MNAT1: variants seen among roughly 807,000 people sequenced by gnomAD.
MNAT1 encodes the protein CDK-activating kinase assembly factor MAT1.
MNAT1 carries 43 observed loss-of-function variants against 42.0 expected under a neutral mutation model. The ratio of observed to expected loss-of-function variants is 1.02; its 90% CI spans 0.80 to 1.32. MNAT1 has a LOEUF of 1.32. Among genes scored for constraint, MNAT1 ranks in the 40% most tolerant of loss-of-function variants. MNAT1 has a pLI of 0.00. For synonymous variants in MNAT1, 118 were observed against 120.0 expected (o/e 0.98, Z 0.11); for missense variants, 306 against 350.4 (o/e 0.87, Z 1.01).
In MNAT1 at chr14:60,793,646, T is replaced by A. The variant is rs557376965; in HGVS notation, c.90-2571T>A. Among the ~76,000 whole-genome samples the A allele has an allele frequency of 2.0e-5, 3 of 152,278 alleles. No homozygotes were observed. In the East Asian group the frequency reaches 5.8e-4, roughly 29 times the overall value. On this transcript the variant is annotated intron_variant, in intron 1 of 7. Coordinates refer to ENST00000261245, the MANE Select transcript of MNAT1 (RefSeq NM_002431.4). ...CTTTGCCCTCCCAAAGCACTGGGAT[T>A]ATAGGCGTAAGCAACTAGGCCTGGC...
At chr14:60,922,899 C>T (rs990553001) in intron 7 of MNAT1, among the ~76,000 whole-genome samples, 2 of 152,136 alleles carry the variant, frequency 1.3e-5, no homozygotes, top group Non-Finnish European at 2.9e-5. Context: ...GTATACCAGA[C>T]TTGAAGGTTT....
At chr14:60,914,609 A>G (rs956441579) in intron 7 of MNAT1, among the ~76,000 whole-genome samples, 5 of 152,146 alleles carry the variant, frequency 3.3e-5, no homozygotes, top group African/African-American at 4.8e-5. Context: ...CAGCTGCCTA[A>G]TAGAGTCCAC....
chr14:60,893,113 A>G (rs1025455486), intron 7 of MNAT1, among the ~76,000 whole-genome samples: 1 of 151,984 alleles, frequency 6.6e-6, no homozygotes, highest in Non-Finnish European at 1.5e-5. Context: ...CACCTCTTGT[A>G]TGCTCTATTT....
At chr14:60,926,033 G>T (rs960267210) in intron 7 of MNAT1, among the ~76,000 whole-genome samples, 2 of 152,142 alleles carry the variant, frequency 1.3e-5, no homozygotes, top group Non-Finnish European at 2.9e-5. Context: ...AGTCATGATT[G>T]TGGACTTTCA....
intron 7 of MNAT1, among the ~76,000 whole-genome samples, chr14:60,912,424 C>G (rs2035392111): frequency 6.6e-6 from 1 of 152,164 alleles, no homozygotes; most frequent in Non-Finnish European, 1.5e-5. Flanking sequence ...CCTTGATAGT[C>G]TTTACAAATT....
At chr14:60,884,731 A>G (rs535051690) in intron 7 of MNAT1, among the ~76,000 whole-genome samples, 7 of 152,182 alleles carry the variant, frequency 4.6e-5, no homozygotes, top group Middle Eastern at 6.8e-3. Flanking sequence ...TAGTTTATCT[A>G]CCATGATTAC....
chr14:60,767,149 C>T (rs1262293147), intron 1 of MNAT1, among the ~76,000 whole-genome samples: 1 of 152,150 alleles, frequency 6.6e-6, no homozygotes, highest in Non-Finnish European at 1.5e-5. Context: ...GTTAACAATA[C>T]ACTTTTGGAT....
intron 7 of MNAT1, among the ~76,000 whole-genome samples, chr14:60,914,283 G>A (rs1180417984): frequency 4.6e-5 from 7 of 152,178 alleles, no homozygotes; most frequent in African/African-American, 7.2e-5. Context: ...CGGGTGAGGC[G>A]ATGCCTTGCC....
rs537104081 is a variant in MNAT1 at position 60,750,315 on chromosome 14, C to T, written c.89+15364C>T. Among the ~76,000 whole-genome samples, 79 of 151,874 alleles carry T rather than the reference C, an allele frequency of 5.2e-4. 1 individual carries two copies. Among genetic ancestry groups the T allele is most frequent in the Middle Eastern group, 3.4e-3 (1 of 294 alleles). On this transcript the variant is annotated intron_variant, in intron 1 of 7. Transcript: ENST00000261245. ...GATCTCGGCTCACTGCAAGCTTCGC[C>T]TCCTGGGTTCACGGCATTCTCCTGC...
In MNAT1 at chr14:60,968,803, T is replaced by A. The variant is rs2036730064; in HGVS notation, c.*454T>A. On this transcript the variant is annotated 3_prime_UTR_variant, in exon 8 of 8. Coordinates refer to ENST00000261245, the MANE Select transcript of MNAT1 (RefSeq NM_002431.4). ...TCTTCTCATAAAATGTTCCCCTTTT[T>A]CCTAATGTCTTGTTAATACTAGTCC... 7.4e-6 allele frequency: 2 copies of A among 271,322 alleles called. No homozygotes were observed. The highest frequency in any genetic ancestry group is 1.4e-5 in the Non-Finnish European group (2 of 141,280). The allele number at this position is 271,322 out of a possible 1,614,324, so 16.8% of individuals were successfully genotyped here.
intron 6 of MNAT1, among the ~76,000 whole-genome samples, chr14:60,821,395 T>C (rs2032886282): frequency 6.6e-6 from 1 of 152,220 alleles, no homozygotes; most frequent in Non-Finnish European, 1.5e-5. Flanking sequence ...GTACCTAGAA[T>C]GATGTTTGTC....
At chr14:60,965,103 C>A (rs150978448) in intron 7 of MNAT1, among the ~76,000 whole-genome samples, 1 of 152,100 alleles carries the variant, frequency 6.6e-6, no homozygotes, top group Non-Finnish European at 1.5e-5. Context: ...GGACTCTCAA[C>A]GACTCATACT....
chr14:60,924,616 C>A (rs192555933), intron 7 of MNAT1, among the ~76,000 whole-genome samples: 63 of 99,854 alleles, frequency 6.3e-4, no homozygotes, highest in African/African-American at 2.0e-3. Flanking sequence ...AAACTAGCTA[C>A]ACAAATAACA....
chr14:60,852,610 A>G (rs2033852387), intron 6 of MNAT1, among the ~76,000 whole-genome samples: 1 of 152,118 alleles, frequency 6.6e-6, no homozygotes, highest in African/African-American at 2.4e-5. Context: ...TTAGTCATAA[A>G]GTCTTTGCCT....
In MNAT1 at chr14:60,784,203, T is replaced by TTTTTTTTC. The variant is rs1555374426; in HGVS notation, c.90-12014_90-12013insTTTTTTTC. 1.4e-3 allele frequency among the ~76,000 whole-genome samples: 202 copies of TTTTTTTTC among 145,344 alleles called. 4 individuals carry two copies. Among genetic ancestry groups the TTTTTTTTC allele is most frequent in the Middle Eastern group, 3.5e-3 (1 of 284 alleles). On this transcript the variant is annotated intron_variant, in intron 1 of 7. Coordinates refer to ENST00000261245, the MANE Select transcript of MNAT1 (RefSeq NM_002431.4). ...AATTTTTTTTTTTTTTTTTTTTTTTTAGTAGAGGCGAGGTTTTGCCATGTT... is the reference window on the plus strand; with the variant it reads ...AATTTTTTTTTTTTTTTTTTTTTTTTTTTTTTTCAGTAGAGGCGAGGTTTTGCCATGTT...
At chr14:60,930,986 C>A (rs2035871379) in intron 7 of MNAT1, among the ~76,000 whole-genome samples, 1 of 152,032 alleles carries the variant, frequency 6.6e-6, no homozygotes, top group Non-Finnish European at 1.5e-5. Context: ...TTGAGATATT[C>A]AGATTTATAT....
intron 6 of MNAT1, among the ~76,000 whole-genome samples, chr14:60,824,031 C>A (rs1330657738): frequency 6.6e-6 from 1 of 151,684 alleles, no homozygotes; most frequent in Non-Finnish European, 1.5e-5. Context: ...GTGGCAGGAA[C>A]CTGTAATTCC....
Position 60,875,329 on chromosome 14 carries a change from C to G in MNAT1, c.688-4385C>G, listed in dbSNP as rs2034413573. 2.0e-5 allele frequency among the ~76,000 whole-genome samples: 3 copies of G among 152,004 alleles called. No individual in the cohort carries two copies. The South Asian group carries it at 6.2e-4, about 31-fold the overall frequency. ...TGGGCAGTAATTGAGAGATCTAACT[C>G]TATGTGACCTTAGAAAAATTTACAT... On this transcript the variant is annotated intron_variant, in intron 6 of 7. Transcript: ENST00000261245.
At chr14:60,900,168 A>T (rs1055697861) in intron 7 of MNAT1, among the ~76,000 whole-genome samples, 1 of 151,752 alleles carries the variant, frequency 6.6e-6, no homozygotes, top group Non-Finnish European at 1.5e-5. Context: ...TGTGTGTTCA[A>T]GTGAGAGGAA....
Sources: allele counts gnomAD v4.1 joint callset (sites outside exome capture counted in the v4.1 genomes callset), GRCh38; gene constraint gnomAD v4.1.1; transcripts MANE v1.5; gene names NCBI Gene and HGNC (gene_info 2026-07-23, HGNC 2026-07-21).